The following PRR16 variants were observed in gnomAD, a reference collection of about 807,000 sequenced individuals.
The protein encoded by PRR16 is proline rich 16.
Under a neutral mutation model 18.2 loss-of-function variants are expected in PRR16, and 6 were observed. The ratio of observed to expected loss-of-function variants is 0.33; its 90% CI spans 0.18 to 0.65. The LOEUF (loss-of-function observed/expected upper bound fraction) is 0.65, where lower values mean the gene tolerates loss of function less well. Among genes scored for constraint, PRR16 ranks in the 30% least tolerant of loss-of-function variants. The pLI, the probability that PRR16 is intolerant of heterozygous loss-of-function variation, is 0.74. For synonymous variants in PRR16, 151 were observed against 147.8 expected, an observed-to-expected ratio of 1.02 and a Z score of -0.16; for missense variants, 412 against 376.6, an observed-to-expected ratio of 1.09 and a Z score of -0.78.
chr5:120,706,982 TTGA>T, the PRR16 span, among the ~76,000 whole-genome samples: 1 of 152,204 alleles, frequency 6.6e-6, no homozygotes. Context: ...ACTATCTTTT[TTGA>T]TGATTACATT....
intron 1 of PRR16, among the ~76,000 whole-genome samples, chr5:120,671,267 C>A (rs1161583563): frequency 6.6e-6 from 1 of 152,082 alleles, no homozygotes; most frequent in Non-Finnish European, 1.5e-5. Context: ...TCTCAAAGAT[C>A]AGATATCAGA....
intron 1 of PRR16, among the ~76,000 whole-genome samples, chr5:120,641,130 T>C (rs1755408856): frequency 6.6e-6 from 1 of 152,206 alleles, no homozygotes; most frequent in Admixed American, 6.6e-5. Context: ...AACTTTCGTC[T>C]AGCTTAAAAT....
chr5:120,522,868 G>A (rs1400456036), intron 1 of PRR16, among the ~76,000 whole-genome samples: 10 of 151,958 alleles, frequency 6.6e-5, no homozygotes, highest in East Asian at 1.9e-4. Context: ...CACCTGCCTC[G>A]GCCTCCCAAA....
chr5:120,669,255 G>A (rs973605113), intron 1 of PRR16, among the ~76,000 whole-genome samples: 1 of 151,984 alleles, frequency 6.6e-6, no homozygotes, highest in East Asian at 1.9e-4. Flanking sequence ...CATAAAAATT[G>A]TTTAAGTTTC....
At chr5:120,621,986 A>G (rs1304015858) in intron 1 of PRR16, among the ~76,000 whole-genome samples, 4 of 152,150 alleles carry the variant, frequency 2.6e-5, no homozygotes, top group Non-Finnish European at 5.9e-5. Context: ...CACCTTTTTC[A>G]GAGGTGTCTT....
the PRR16 span, among the ~76,000 whole-genome samples, chr5:120,769,260 A>G: frequency 1.3e-5 from 2 of 151,970 alleles, no homozygotes. Flanking sequence ...GTAAATGTGG[A>G]CATATGCAAA....
At chr5:120,565,420 G>A (rs908786084) in intron 1 of PRR16, among the ~76,000 whole-genome samples, 2 of 152,184 alleles carry the variant, frequency 1.3e-5, no homozygotes, top group African/African-American at 4.8e-5. Context: ...TAGTCTCTAC[G>A]TCTGTAGAAA....
At chr5:120,758,529 A>T in the PRR16 span, among the ~76,000 whole-genome samples, 1 of 152,090 alleles carries the variant, frequency 6.6e-6, no homozygotes, top group African/African-American at 2.4e-5. Flanking sequence ...ATCCCCGCAT[A>T]TTGAAGGGGG....
intron 1 of PRR16, among the ~76,000 whole-genome samples, chr5:120,573,497 T>C (rs1332518781): frequency 4.6e-5 from 7 of 151,924 alleles, no homozygotes; most frequent in African/African-American, 7.2e-5. Context: ...AGATGCTAAT[T>C]TTATTGTGGC....
chr5:120,504,723 G>T (rs1750582689), intron 1 of PRR16, among the ~76,000 whole-genome samples: 1 of 152,166 alleles, frequency 6.6e-6, no homozygotes. Flanking sequence ...AGGTCCCTCA[G>T]TTACAGGGAT....
At chr5:120,710,108 C>G in the PRR16 span, among the ~76,000 whole-genome samples, 1 of 152,090 alleles carries the variant, frequency 6.6e-6, no homozygotes, top group Non-Finnish European at 1.5e-5. Context: ...TATGAGCTTT[C>G]CCCTTTTTCC....
intron 1 of PRR16, among the ~76,000 whole-genome samples, chr5:120,506,932 G>A (rs567757646): frequency 3.3e-5 from 5 of 152,170 alleles, no homozygotes; most frequent in South Asian, 2.1e-4. Context: ...AGGCTAATGG[G>A]GGTCAGTATT....
intron 1 of PRR16, among the ~76,000 whole-genome samples, chr5:120,473,913 C>G (rs1749352825): frequency 6.6e-6 from 1 of 152,144 alleles, no homozygotes; most frequent in African/African-American, 2.4e-5. Flanking sequence ...GAATAAGCCT[C>G]ACTGAGAAAG....
chr5:120,624,869 G>T (rs941457344), intron 1 of PRR16, among the ~76,000 whole-genome samples: 4 of 152,126 alleles, frequency 2.6e-5, no homozygotes, highest in Admixed American at 6.6e-5. Flanking sequence ...TTCCTTCACT[G>T]TTCTCGTGAT....
downstream of PRR16, among the ~76,000 whole-genome samples, chr5:120,690,916 C>G (rs1757201696): frequency 6.6e-6 from 1 of 152,088 alleles, no homozygotes. Flanking sequence ...AAATAACTCT[C>G]TCTTTAAAAT....
chr5:120,592,033 G>A (rs1753654108), intron 1 of PRR16, among the ~76,000 whole-genome samples: 1 of 151,508 alleles, frequency 6.6e-6, no homozygotes, highest in African/African-American at 2.4e-5. Context: ...ACAACAGCTT[G>A]AATCTTTATG....
intron 1 of PRR16, among the ~76,000 whole-genome samples, chr5:120,582,393 C>T (rs547279487): frequency 2.0e-4 from 30 of 151,810 alleles, no homozygotes; most frequent in Non-Finnish European, 2.6e-4. Flanking sequence ...AAACCTAATT[C>T]GAACCATTAT....
At chr5:120,786,417 A>AAGAC in the PRR16 span, among the ~76,000 whole-genome samples, 1 of 151,604 alleles carries the variant, frequency 6.6e-6, no homozygotes, top group African/African-American at 2.4e-5. Flanking sequence ...CAGGAGAAAT[A>AAGAC]AGACAGATTT....
intron 1 of PRR16, among the ~76,000 whole-genome samples, chr5:120,589,454 A>T (rs911384633): frequency 6.6e-6 from 1 of 152,132 alleles, no homozygotes; most frequent in Non-Finnish European, 1.5e-5. Flanking sequence ...CTCTATTACC[A>T]CTTCACACAC....
Sources: gnomAD v4.1 joint callset for allele counts (sites outside exome capture counted in the v4.1 genomes callset) on GRCh38, gnomAD v4.1.1 for gene constraint, MANE v1.5 for transcripts, NCBI Gene and HGNC (gene_info 2026-07-23, HGNC 2026-07-21) for gene names.